OCA2: variants seen among roughly 807,000 people sequenced by gnomAD.
The protein encoded by OCA2 is OCA2 melanosomal transmembrane protein, also known as P protein.
In OCA2, 77 loss-of-function variants were observed where a neutral mutation model predicts 100.2. That is an observed-to-expected ratio of 0.77 (90% CI 0.64 to 0.93). OCA2 has a LOEUF of 0.93. Ranked by LOEUF, OCA2 falls within the 40% of genes least tolerant of loss-of-function variation. The probability of loss-of-function intolerance (pLI) is 0.00; values close to 1 mark genes in which losing one functional copy is unlikely to be tolerated. For synonymous variants in OCA2, 432 were observed against 439.2 expected, an observed-to-expected ratio of 0.98 and a Z score of 0.21; for missense variants, 1,062 against 1,089.1, an observed-to-expected ratio of 0.98 and a Z score of 0.35.
intron 19 of OCA2, among the ~76,000 whole-genome samples, chr15:27,905,635 T>C (rs2038147763): frequency 6.6e-6 from 1 of 151,910 alleles, no homozygotes; most frequent in South Asian, 2.1e-4. Flanking sequence ...AGTGGTCAAG[T>C]GGAAAAGAAA....
chr15:28,035,196 A>G, intron 2 of OCA2, among the ~76,000 whole-genome samples: 1 of 152,198 alleles, frequency 6.6e-6, no homozygotes, highest in East Asian at 1.9e-4. Flanking sequence ...ACATTTATGC[A>G]CTTTGTGTAT....
intron 19 of OCA2, among the ~76,000 whole-genome samples, chr15:27,898,232 A>T (rs778103691): frequency 6.6e-6 from 1 of 152,186 alleles, no homozygotes; most frequent in Non-Finnish European, 1.5e-5. Flanking sequence ...ATGTAAAGAC[A>T]TTAGATTTGG....
At chr15:28,096,862 GCGGCAGGCCAGGCGCACCTCT>G (rs561432329) in intron 1 of OCA2, among the ~76,000 whole-genome samples, 3,147 of 152,008 alleles carry the variant, frequency 0.021, 120 homozygotes, top group African/African-American at 0.073. Context: ...TGGCGGCCCC[GCGGCAGGCCAGGCGCACCTCT>G]CGGGGAGAAA....
chr15:27,744,119 T>C, the OCA2 span, among the ~76,000 whole-genome samples: 15 of 152,176 alleles, frequency 9.9e-5, no homozygotes, highest in African/African-American at 3.6e-4. Context: ...TTAGCATCCT[T>C]AGCCCCAAAG....
At chr15:27,931,448 C>A (rs1250435529) in intron 18 of OCA2, among the ~76,000 whole-genome samples, 3 of 152,112 alleles carry the variant, frequency 2.0e-5, no homozygotes, top group African/African-American at 7.2e-5. Flanking sequence ...GATTCTCCTG[C>A]CTCAGCCTCC....
rs1490438033 is a variant in OCA2 at position 28,028,009 on chromosome 15, G to A, written c.377C>T (p.Ser126Phe). 1.2e-6 allele frequency: 2 copies of A among 1,614,124 alleles called. No individual in the cohort carries two copies. The highest frequency in any genetic ancestry group is 2.7e-5 in the African/African-American group (2 of 74,938). ...CCAGTCAGCAGAGCTGTCTTCCCAAGACTCTTCAGCAGTGATGAACTCTGG... is the reference window on the plus strand; with the variant it reads ...CCAGTCAGCAGAGCTGTCTTCCCAAAACTCTTCAGCAGTGATGAACTCTGG... ...YHPEFITAEE[S>F]WEDSSADWER... Residue 126 changes from serine to phenylalanine, a missense_variant, in exon 4 of 24, where the codon TCT (serine) becomes TTT (phenylalanine). Ser to Phe is a radical substitution (Grantham distance 155). Coordinates refer to ENST00000354638, the MANE Select transcript of OCA2 (RefSeq NM_000275.3).
At chr15:28,097,700 A>T (rs2045011776) in intron 1 of OCA2, among the ~76,000 whole-genome samples, 1 of 151,886 alleles carries the variant, frequency 6.6e-6, no homozygotes, top group Non-Finnish European at 1.5e-5. Flanking sequence ...AGGTACCCAA[A>T]ACTCCCAGAG....
At chr15:27,765,183 CACTG>C (rs1225215648) in intron 23 of OCA2, among the ~76,000 whole-genome samples, 1 of 152,096 alleles carries the variant, frequency 6.6e-6, no homozygotes, top group African/African-American at 2.4e-5. Context: ...ACTATCTCAG[CACTG>C]ACTGAGTGCT....
intron 19 of OCA2, among the ~76,000 whole-genome samples, chr15:27,872,429 A>ACC (rs1258096822): frequency 2.0e-5 from 3 of 152,212 alleles, no homozygotes; most frequent in Non-Finnish European, 2.9e-5. Flanking sequence ...AGAAAACTGT[A>ACC]CTCAGGGAAA....
chr15:27,896,134 C>A, intron 19 of OCA2: 2 of 1,007,642 alleles, frequency 2.0e-6, no homozygotes, highest in Non-Finnish European at 3.1e-6. Context: ...TATATGGATG[C>A]AGGCCTTGCC....
intron 23 of OCA2, among the ~76,000 whole-genome samples, chr15:27,788,945 A>C (rs1408608996): frequency 6.6e-6 from 1 of 152,122 alleles, no homozygotes; most frequent in Non-Finnish European, 1.5e-5. Flanking sequence ...GCCTAGATTA[A>C]TAACTAACCT....
At chr15:27,764,950 T>A (rs2031138805) in intron 23 of OCA2, among the ~76,000 whole-genome samples, 1 of 152,216 alleles carries the variant, frequency 6.6e-6, no homozygotes, top group Admixed American at 6.5e-5. Context: ...TTTCTTGATA[T>A]TTTGTGTAGA....
chr15:27,984,917 G>T, intron 13 of OCA2, 147 bp downstream of exon 13: 2 of 916,928 alleles, frequency 2.2e-6, no homozygotes, highest in African/African-American at 1.6e-5. Context: ...GCAGACACGA[G>T]CTGGACTGGA....
At chr15:27,875,800 C>A (rs947336077) in intron 19 of OCA2, among the ~76,000 whole-genome samples, 1 of 151,518 alleles carries the variant, frequency 6.6e-6, no homozygotes, top group African/African-American at 2.4e-5. Context: ...GCAATTGTTC[C>A]TTAAATATTT....
chr15:27,726,678 G>T, the OCA2 span, among the ~76,000 whole-genome samples: 2 of 152,206 alleles, frequency 1.3e-5, no homozygotes, highest in African/African-American at 4.8e-5. Flanking sequence ...CAGAGCAAAA[G>T]CTGGAGGAAT....
intron 23 of OCA2, among the ~76,000 whole-genome samples, chr15:27,770,362 C>G (rs542910931): frequency 6.6e-6 from 1 of 152,192 alleles, no homozygotes; most frequent in Non-Finnish European, 1.5e-5. Context: ...TCAGTGCGCC[C>G]GGTTTCTCAG....
chr15:27,803,609 G>A (rs1012981169), intron 23 of OCA2, among the ~76,000 whole-genome samples: 3 of 152,210 alleles, frequency 2.0e-5, no homozygotes, highest in Non-Finnish European at 4.4e-5. Context: ...CGTGTTTAAG[G>A]GGTACAGGCT....
At chr15:27,720,120 G>T in the OCA2 span, among the ~76,000 whole-genome samples, 1 of 152,144 alleles carries the variant, frequency 6.6e-6, no homozygotes, top group Admixed American at 6.5e-5. Context: ...GTTTTAACAT[G>T]ACTTGATGGG....
intron 19 of OCA2, among the ~76,000 whole-genome samples, chr15:27,885,051 T>G (rs1041740507): frequency 1.3e-5 from 2 of 152,196 alleles, no homozygotes; most frequent in Non-Finnish European, 2.9e-5. Flanking sequence ...TTCTCAGATC[T>G]TAACATTTCT....
Sources: gnomAD v4.1 joint callset for allele counts (sites outside exome capture counted in the v4.1 genomes callset) on GRCh38, gnomAD v4.1.1 for gene constraint, MANE v1.5 for transcripts, NCBI Gene and HGNC (gene_info 2026-07-23, HGNC 2026-07-21) for gene names.